C8orf34: variants seen among roughly 807,000 people sequenced by gnomAD.
C8orf34 encodes the protein chromosome 8 open reading frame 34.
C8orf34 carries 65 observed loss-of-function variants against 68.3 expected under a neutral mutation model. The ratio of observed to expected loss-of-function variants is 0.95; its 90% CI spans 0.78 to 1.17. The LOEUF (loss-of-function observed/expected upper bound fraction) is 1.17, where lower values mean the gene tolerates loss of function less well. Among genes scored for constraint, C8orf34 ranks in the 50% most tolerant of loss-of-function variants. The probability of loss-of-function intolerance (pLI) is 0.00; values close to 1 mark genes in which losing one functional copy is unlikely to be tolerated. For missense variants in C8orf34, 664 were observed against 655.4 expected (o/e 1.01, Z -0.14); for synonymous variants, 244 against 241.2 (o/e 1.01, Z -0.11).
intron 7 of C8orf34, among the ~76,000 whole-genome samples, chr8:68,536,343 A>G (rs1815469598): frequency 8.3e-6 from 1 of 119,884 alleles, no homozygotes; most frequent in Admixed American, 1.1e-4. Flanking sequence ...TGGGTGACAG[A>G]GGGAGACCCT....
Position 68,801,142 on chromosome 8 carries a change from T to TA in C8orf34, c.1549+13608dup, listed in dbSNP as rs1346628107. Among the ~76,000 whole-genome samples the TA allele has an allele frequency of 3.3e-5, 5 of 152,334 alleles. No individual in the cohort carries two copies. The East Asian group carries it at 9.7e-4, about 29-fold the overall frequency. On this transcript the variant is annotated intron_variant, in intron 12 of 13. Transcript: ENST00000518698. ...CTAAGGCTGGGGTTTCAAAAGGCAC[T>TA]AAGTGATTGTTTATCTTTGTATTGT...
intron 7 of C8orf34, among the ~76,000 whole-genome samples, chr8:68,551,452 A>G (rs1396245814): frequency 2.6e-5 from 4 of 151,934 alleles, no homozygotes; most frequent in Admixed American, 2.6e-4. Flanking sequence ...TACTGTATTA[A>G]TCATGGTTTT....
At chr8:68,468,899 C>A in intron 4 of C8orf34, 79 bp downstream of exon 4, 1 of 1,432,776 alleles carries the variant, frequency 7.0e-7, no homozygotes, top group South Asian at 1.3e-5. Context: ...TGCCAATAAC[C>A]CATTTCTAAC....
At chr8:68,622,478 G>T (rs776790848) in intron 7 of C8orf34, among the ~76,000 whole-genome samples, 2 of 152,164 alleles carry the variant, frequency 1.3e-5, no homozygotes, top group African/African-American at 2.4e-5. Context: ...AAAGTTGTAA[G>T]TGAGAAAGGG....
chr8:68,352,958 T>A (rs1806576348), intron 1 of C8orf34, among the ~76,000 whole-genome samples: 1 of 152,140 alleles, frequency 6.6e-6, no homozygotes, highest in East Asian at 1.9e-4. Context: ...ATGGTGTCTA[T>A]ATTTTTAAGG....
intron 12 of C8orf34, among the ~76,000 whole-genome samples, chr8:68,794,843 C>T (rs188999323): frequency 6.6e-6 from 1 of 152,090 alleles, no homozygotes; most frequent in African/African-American, 2.4e-5. Flanking sequence ...CATCCTAAAT[C>T]TAAAATCTGA....
rs1563673957 is a variant in C8orf34 at position 68,794,495 on chromosome 8, ATATATATATATT to A, written c.1549+6961_1549+6972del. Among the ~76,000 whole-genome samples the A allele has an allele frequency of 6.4e-4, 55 of 85,348 alleles. 1 individual carries two copies. The highest frequency in any genetic ancestry group is 4.7e-3 in the East Asian group (11 of 2,346). 56.0% of individuals were successfully genotyped at this position (85,348 alleles called of 152,430 possible). On this transcript the variant is annotated intron_variant, in intron 12 of 13. Transcript: ENST00000518698. ...TATATAAATATAAATATATATATAT[ATATATATATATT>A]TTTTTTTTTTTTTTTTAGACAGGCT... is the stretch of plus-strand genomic sequence containing the variant.
chr8:68,481,784 C>T (rs1429401673), intron 4 of C8orf34, among the ~76,000 whole-genome samples: 1 of 152,194 alleles, frequency 6.6e-6, no homozygotes, highest in Non-Finnish European at 1.5e-5. Flanking sequence ...TACCCCAATA[C>T]CTGTACCCCC....
intron 8 of C8orf34, among the ~76,000 whole-genome samples, chr8:68,683,804 A>T (rs1820435905): frequency 6.6e-6 from 1 of 152,140 alleles, no homozygotes; most frequent in African/African-American, 2.4e-5. Flanking sequence ...TATTTTTCAC[A>T]TTCAAATCAG....
intron 10 of C8orf34, among the ~76,000 whole-genome samples, chr8:68,730,376 G>A (rs189883638): frequency 3.2e-4 from 49 of 152,192 alleles, no homozygotes; most frequent in Non-Finnish European, 5.6e-4. Context: ...TGACTCATCA[G>A]CTAAGATGCC....
intron 8 of C8orf34, among the ~76,000 whole-genome samples, chr8:68,698,635 A>G (rs1360709889): frequency 6.6e-6 from 1 of 152,098 alleles, no homozygotes. Flanking sequence ...CGATTTTTCA[A>G]AAGGATGTTT....
intron 4 of C8orf34, among the ~76,000 whole-genome samples, chr8:68,477,259 G>C (rs1000948587): frequency 6.6e-6 from 1 of 152,200 alleles, no homozygotes; most frequent in Non-Finnish European, 1.5e-5. Context: ...GGACTTCTAT[G>C]CTACAGGAAT....
chr8:68,405,590 G>A (rs560048968), intron 1 of C8orf34, among the ~76,000 whole-genome samples: 13 of 152,100 alleles, frequency 8.5e-5, no homozygotes, highest in South Asian at 2.1e-4. Context: ...GTCTTATATC[G>A]GACAGCATCC....
chr8:68,605,104 A>T (rs1220121192), intron 7 of C8orf34, among the ~76,000 whole-genome samples: 1 of 152,172 alleles, frequency 6.6e-6, no homozygotes, highest in East Asian at 1.9e-4. Flanking sequence ...GCACTTGAAA[A>T]TGTGCTCCAC....
chr8:68,737,612 G>A (rs1399433938), intron 10 of C8orf34, among the ~76,000 whole-genome samples: 1 of 151,314 alleles, frequency 6.6e-6, no homozygotes, highest in African/African-American at 2.4e-5. Context: ...AAAAAGCAGG[G>A]GTAGCAACCT....
At chr8:68,424,106 C>A (rs574478303) in intron 1 of C8orf34, among the ~76,000 whole-genome samples, 1 of 152,238 alleles carries the variant, frequency 6.6e-6, no homozygotes, top group South Asian at 2.1e-4. Flanking sequence ...GGGCCAGAGG[C>A]TTCTTCCCTC....
intron 6 of C8orf34, among the ~76,000 whole-genome samples, chr8:68,532,012 T>C (rs1234767180): frequency 6.6e-6 from 1 of 151,996 alleles, no homozygotes; most frequent in African/African-American, 2.4e-5. Context: ...GCCAGGGGAA[T>C]TGACGATTCT....
At chr8:68,691,797 T>C (rs1193593060) in intron 8 of C8orf34, among the ~76,000 whole-genome samples, 1 of 152,096 alleles carries the variant, frequency 6.6e-6, no homozygotes, top group African/African-American at 2.4e-5. Flanking sequence ...TAATGGTAAA[T>C]GTGTGCCTTT....
rs559343482 is a variant in C8orf34 at position 68,635,101 on chromosome 8, A to C, written c.1106-5275A>C. Among the ~76,000 whole-genome samples, 3 of 152,318 alleles carry C rather than the reference A, an allele frequency of 2.0e-5. No homozygotes were observed. The South Asian group carries it at 6.2e-4, about 32-fold the overall frequency. Reference sequence around the variant, plus strand: ...AAATCCTCAAAAATTCTCATTAAATACACTCAAATTTGCACATGAAAGGAG... The same window carrying C: ...AAATCCTCAAAAATTCTCATTAAATCCACTCAAATTTGCACATGAAAGGAG... On this transcript the variant is annotated intron_variant, in intron 7 of 13. Transcript: ENST00000518698.
Sources: allele counts gnomAD v4.1 joint callset (sites outside exome capture counted in the v4.1 genomes callset), GRCh38; gene constraint gnomAD v4.1.1; transcripts MANE v1.5; gene names NCBI Gene and HGNC (gene_info 2026-07-23, HGNC 2026-07-21).